The following SLC4A4 variants were observed in gnomAD, a reference collection of about 807,000 sequenced individuals.
SLC4A4 encodes solute carrier family 4 member 4, also known as electrogenic sodium bicarbonate cotransporter 1.
SLC4A4 carries 27 observed loss-of-function variants against 111.5 expected under a neutral mutation model. The observed-to-expected ratio is 0.24, with a 90% CI of 0.18 to 0.33. The LOEUF (loss-of-function observed/expected upper bound fraction) is 0.33. SLC4A4 is among the 10% of genes least tolerant of loss of function. SLC4A4 has a pLI of 1.00. For missense variants in SLC4A4, 909 were observed against 1,315.5 expected (o/e 0.69, Z 4.78); for synonymous variants, 443 against 463.4 (o/e 0.96, Z 0.57).
intron 15 of SLC4A4, among the ~76,000 whole-genome samples, chr4:71,495,542 A>G (rs535813177): frequency 6.6e-6 from 1 of 152,206 alleles, no homozygotes; most frequent in East Asian, 1.9e-4. Context: ...CTATAGGAAA[A>G]ATATTTCAGG....
At chr4:71,506,595 A>G (rs1366834386) in intron 16 of SLC4A4, among the ~76,000 whole-genome samples, 3 of 152,108 alleles carry the variant, frequency 2.0e-5, no homozygotes, top group African/African-American at 7.2e-5. Context: ...TGGGGCTGAG[A>G]TGATGGGGTT....
intron 18 of SLC4A4, among the ~76,000 whole-genome samples, chr4:71,541,761 G>A (rs751126595): frequency 6.6e-4 from 100 of 151,940 alleles, no homozygotes; most frequent in Middle Eastern, 6.8e-3. Flanking sequence ...GAAAGGGAAG[G>A]TGGGTGGGAA....
At chr4:71,401,877 G>T (rs896824231) in intron 7 of SLC4A4, among the ~76,000 whole-genome samples, 1 of 152,186 alleles carries the variant, frequency 6.6e-6, no homozygotes, top group African/African-American at 2.4e-5. Flanking sequence ...GAAATAGCCT[G>T]CAGATTCTCA....
At chr4:71,192,682 C>T (rs905575325) in intron 1 of SLC4A4, among the ~76,000 whole-genome samples, 2 of 152,130 alleles carry the variant, frequency 1.3e-5, no homozygotes, top group Non-Finnish European at 2.9e-5. Context: ...CTCCCCTCTT[C>T]CTTCTGTTAA....
intron 2 of SLC4A4, among the ~76,000 whole-genome samples, chr4:71,178,634 A>T (rs1745173282): frequency 6.6e-6 from 1 of 152,130 alleles, no homozygotes; most frequent in African/African-American, 2.4e-5. Flanking sequence ...CAACCCATAC[A>T]CCCTCCCAAG....
rs1390137787 is a variant in SLC4A4 at position 71,475,215 on chromosome 4, A to C, written c.1903+2245A>C. Among the ~76,000 whole-genome samples the C allele has an allele frequency of 2.6e-5, 4 of 151,786 alleles. 1 individual carries two copies. The highest frequency in any genetic ancestry group is 2.6e-4 in the Admixed American group (4 of 15,222). ...GAAGCCAGATGTGGGCTTTGTCAAC[A>C]CACCTGTCACACAGAAAAAAACATC... On this transcript the variant is annotated intron_variant, in intron 14 of 25. Coordinates refer to ENST00000264485, the MANE Select transcript of SLC4A4 (RefSeq NM_001098484.3).
At position 71,568,713 on chromosome 4, in the gene SLC4A4, G is replaced by A. The variant is rs1737710586; in HGVS notation, c.*962G>A. The A allele has an allele frequency of 2.0e-5, 3 of 151,958 alleles. No individual in the cohort carries two copies. 9.4% of individuals were successfully genotyped at this position (151,958 alleles called of 1,614,324 possible). A position where few individuals can be genotyped will look rare whatever the true frequency, so the allele number is the denominator to read the frequency against. The stretch of plus-strand genomic sequence containing the variant: ...TGAGTAGTTCTACCTCTTATTTGTA[G>A]CTGCCAGGCTTTCTGTAAAAATTGT... On this transcript the variant is annotated 3_prime_UTR_variant, in exon 26 of 26. Coordinates refer to ENST00000264485, the MANE Select transcript of SLC4A4 (RefSeq NM_001098484.3).
intron 3 of SLC4A4, among the ~76,000 whole-genome samples, chr4:71,276,223 T>G (rs1723056415): frequency 6.6e-6 from 1 of 152,234 alleles, no homozygotes; most frequent in Non-Finnish European, 1.5e-5. Context: ...CATGTATCCT[T>G]CAGTCCATTT....
At chr4:71,279,794 T>A (rs2602050) in intron 3 of SLC4A4, among the ~76,000 whole-genome samples, 5,382 of 152,180 alleles carry the variant, frequency 0.035, 311 homozygotes, top group African/African-American at 0.12. Flanking sequence ...TGTTATTTTT[T>A]TTTATTTATT....
At chr4:71,447,454 T>G (rs1308714219) in intron 8 of SLC4A4, among the ~76,000 whole-genome samples, 192 bp from the exon 9 acceptor site, 1 of 152,232 alleles carries the variant, frequency 6.6e-6, no homozygotes, top group East Asian at 1.9e-4. Context: ...CCAAATAAAC[T>G]GAACAATGAA....
intron 15 of SLC4A4, among the ~76,000 whole-genome samples, chr4:71,491,650 A>C (rs1729923288): frequency 6.6e-6 from 1 of 151,934 alleles, no homozygotes; most frequent in East Asian, 2.0e-4. Flanking sequence ...GGCTCTGACC[A>C]CTCACAACCC....
chr4:71,510,767 G>A (rs1453464575), intron 16 of SLC4A4, among the ~76,000 whole-genome samples: 1 of 151,928 alleles, frequency 6.6e-6, no homozygotes, highest in Non-Finnish European at 1.5e-5. Context: ...ATTATTTTCT[G>A]GTTAATTTGT....
At chr4:71,071,214 G>C (rs1399377876) in intron 1 of SLC4A4, among the ~76,000 whole-genome samples, 1 of 145,810 alleles carries the variant, frequency 6.9e-6, no homozygotes, top group African/African-American at 2.6e-5. Flanking sequence ...AGGTTGCAGT[G>C]AGCCGAGATC....
At chr4:71,200,591 G>C (rs978370839) in intron 1 of SLC4A4, among the ~76,000 whole-genome samples, 3 of 152,126 alleles carry the variant, frequency 2.0e-5, no homozygotes, top group East Asian at 1.9e-4. Flanking sequence ...CAACATAAAG[G>C]ATAAGCAAAA....
chr4:71,159,074 G>A (rs1394287391), intron 2 of SLC4A4, among the ~76,000 whole-genome samples: 1 of 152,130 alleles, frequency 6.6e-6, no homozygotes, highest in African/African-American at 2.4e-5. Context: ...AAGAAAAATA[G>A]AGACACAAAT....
intron 3 of SLC4A4, among the ~76,000 whole-genome samples, chr4:71,312,117 A>G (rs1203982720): frequency 6.6e-6 from 1 of 152,226 alleles, no homozygotes; most frequent in Non-Finnish European, 1.5e-5. Flanking sequence ...AGAAATACCA[A>G]CTACCATCAG....
At chr4:71,487,099 T>C in intron 15 of SLC4A4, 81 bp downstream of exon 15, 1 of 838,828 alleles carries the variant, frequency 1.2e-6, no homozygotes, top group East Asian at 2.6e-5. Flanking sequence ...ATATATGATG[T>C]CTTCTACCAC....
chr4:71,188,537 T>G (rs1745594344), intron 1 of SLC4A4, among the ~76,000 whole-genome samples: 1 of 152,240 alleles, frequency 6.6e-6, no homozygotes, highest in Non-Finnish European at 1.5e-5. Context: ...CAGCAGTTCC[T>G]TTCCTAAGAG....
intron 2 of SLC4A4, among the ~76,000 whole-genome samples, chr4:71,164,360 A>G (rs4021052): frequency 0.11 from 15,866 of 150,722 alleles, 1,477 homozygotes; most frequent in African/African-American, 0.24. Context: ...AGCCTGGGGA[A>G]CAGAGGGAGA....
Sources: gnomAD v4.1 joint callset for allele counts (sites outside exome capture counted in the v4.1 genomes callset) on GRCh38, gnomAD v4.1.1 for gene constraint, MANE v1.5 for transcripts, NCBI Gene and HGNC (gene_info 2026-07-23, HGNC 2026-07-21) for gene names.